PPM1L: variants seen among roughly 807,000 people sequenced by gnomAD.
PPM1L encodes the protein protein phosphatase, Mg2+/Mn2+ dependent 1L.
A neutral mutation model predicts 31.4 loss-of-function variants in PPM1L; 13 were observed. That is an observed-to-expected ratio of 0.41 (90% CI 0.27 to 0.66). The LOEUF (loss-of-function observed/expected upper bound fraction) is 0.66, where lower values mean the gene tolerates loss of function less well. PPM1L is among the 30% of genes least tolerant of loss of function. The pLI, the probability that PPM1L is intolerant of heterozygous loss-of-function variation, is 0.29. For synonymous variants in PPM1L, 184 were observed against 175.4 expected, an observed-to-expected ratio of 1.05 and a Z score of -0.39; for missense variants, 326 against 453.7, an observed-to-expected ratio of 0.72 and a Z score of 2.56.
At chr3:160,853,077 C>T (rs1037170018) in intron 1 of PPM1L, among the ~76,000 whole-genome samples, 28 of 152,148 alleles carry the variant, frequency 1.8e-4, no homozygotes, top group Admixed American at 1.8e-3. Flanking sequence ...CATTCCTTGG[C>T]TTGTGGTTGC....
rs567265092 is a variant in PPM1L, at chr3:160,765,779, G to A, written c.399+9072G>A. On this transcript the variant is annotated intron_variant, in intron 1 of 3. Coordinates refer to ENST00000498165, the MANE Select transcript of PPM1L (RefSeq NM_139245.4). ...CTTTAGGATAAATATGTAGGAGTGT[G>A]GATGTGTTTGCATAACTTTTCTTTA... Among the ~76,000 whole-genome samples, 7 of 152,232 alleles carry A rather than the reference G, an allele frequency of 4.6e-5. No homozygotes were observed. The South Asian group carries it at 1.5e-3, about 32-fold the overall frequency.
At chr3:160,937,113 A>G (rs1714997874) in intron 1 of PPM1L, among the ~76,000 whole-genome samples, 1 of 152,192 alleles carries the variant, frequency 6.6e-6, no homozygotes, top group Non-Finnish European at 1.5e-5. Context: ...CTCTAGTAGA[A>G]GCTGGTATGC....
rs1278462230 is a variant in PPM1L at position 161,071,427 on chromosome 3, C to CG, written c.*2271dup. The CG allele has an allele frequency of 6.6e-6, 1 of 152,216 alleles. No homozygotes were observed. The highest frequency in any genetic ancestry group is 2.4e-5 in the African/African-American group (1 of 41,466). 9.4% of individuals were successfully genotyped at this position (152,216 alleles called of 1,614,324 possible). A position where few individuals can be genotyped will look rare whatever the true frequency, so the allele number is the denominator to read the frequency against. The stretch of plus-strand genomic sequence containing the variant: ...TACTAAATTAGTAAATCAGTGGTTA[C>CG]GTGCCCTGCAGAATTTCTTAACAGA... On this transcript the variant is annotated 3_prime_UTR_variant, in exon 4 of 4. Transcript: ENST00000498165.
intron 1 of PPM1L, among the ~76,000 whole-genome samples, chr3:160,812,352 G>A (rs965105440): frequency 3.3e-5 from 5 of 152,246 alleles, no homozygotes; most frequent in Non-Finnish European, 7.4e-5. Flanking sequence ...CTTTAGACAA[G>A]GGATTTAAAC....
intron 2 of PPM1L, among the ~76,000 whole-genome samples, chr3:161,021,239 C>G (rs1040525623): frequency 6.6e-6 from 1 of 151,914 alleles, no homozygotes; most frequent in East Asian, 1.9e-4. Context: ...CATTTCCACT[C>G]ATCTCAAAAT....
At chr3:161,011,965 A>G (rs960649803) in intron 2 of PPM1L, among the ~76,000 whole-genome samples, 3 of 152,214 alleles carry the variant, frequency 2.0e-5, no homozygotes, top group Non-Finnish European at 4.4e-5. Flanking sequence ...ACCTGCAAAC[A>G]TGGACAATTT....
At chr3:160,942,850 A>G (rs1715205899) in intron 1 of PPM1L, among the ~76,000 whole-genome samples, 2 of 152,198 alleles carry the variant, frequency 1.3e-5, no homozygotes, top group Admixed American at 6.5e-5. Flanking sequence ...TTCTTCGAGT[A>G]TATAAATCTA....
At chr3:160,876,599 A>G (rs1421461917) in intron 1 of PPM1L, among the ~76,000 whole-genome samples, 1 of 152,190 alleles carries the variant, frequency 6.6e-6, no homozygotes, top group African/African-American at 2.4e-5. Flanking sequence ...TGCTATTACT[A>G]TGTGAGTGGC....
chr3:161,051,562 A>G (rs1719282220), intron 2 of PPM1L, among the ~76,000 whole-genome samples: 1 of 152,188 alleles, frequency 6.6e-6, no homozygotes, highest in South Asian at 2.1e-4. Context: ...TATAACTAAT[A>G]TCAGGATTTT....
intron 2 of PPM1L, among the ~76,000 whole-genome samples, chr3:161,039,159 T>C (rs1020429648): frequency 6.6e-6 from 1 of 152,210 alleles, no homozygotes; most frequent in Non-Finnish European, 1.5e-5. Flanking sequence ...GCTCCGTCTA[T>C]GGAGTAGCCA....
intron 1 of PPM1L, among the ~76,000 whole-genome samples, chr3:160,877,250 G>A (rs1712545264): frequency 6.6e-6 from 1 of 152,160 alleles, no homozygotes; most frequent in South Asian, 2.1e-4. Flanking sequence ...TTGATTTCCT[G>A]CAGAGAACCA....
chr3:160,910,368 A>G (rs1713930334), intron 1 of PPM1L, among the ~76,000 whole-genome samples: 1 of 132,126 alleles, frequency 7.6e-6, no homozygotes, highest in Admixed American at 8.8e-5. Context: ...TCTGGAGTGC[A>G]CTGGCACAAT....
At chr3:160,985,911 A>T (rs981063844) in intron 2 of PPM1L, among the ~76,000 whole-genome samples, 2 of 151,874 alleles carry the variant, frequency 1.3e-5, no homozygotes, top group African/African-American at 4.8e-5. Context: ...TGATTAATGT[A>T]TGATTTTTTT....
chr3:160,990,972 G>C (rs1422259407), intron 2 of PPM1L, among the ~76,000 whole-genome samples: 2 of 151,882 alleles, frequency 1.3e-5, no homozygotes, highest in African/African-American at 4.8e-5. Flanking sequence ...CAGGATCACT[G>C]CTTTGTAGGG....
chr3:160,786,155 C>CTT (rs796240930), intron 1 of PPM1L, among the ~76,000 whole-genome samples: 1 of 83,236 alleles, frequency 1.2e-5, no homozygotes, highest in South Asian at 4.0e-4. Context: ...CTCTCTCTCT[C>CTT]TCTGTGTGTG....
chr3:160,944,959 TATAAC>T (rs201327126), intron 1 of PPM1L, among the ~76,000 whole-genome samples: 7,690 of 29,876 alleles, frequency 0.26, 2,578 homozygotes, highest in Non-Finnish European at 0.41. Context: ...TATATAACTA[TATAAC>T]ATATATTATA....
At chr3:161,018,158 G>A (rs1180876555) in intron 2 of PPM1L, among the ~76,000 whole-genome samples, 14 of 152,092 alleles carry the variant, frequency 9.2e-5, no homozygotes, top group Admixed American at 4.6e-4. Context: ...CACAGATTAC[G>A]TGCTGGCAAC....
intron 1 of PPM1L, among the ~76,000 whole-genome samples, chr3:160,840,631 G>A (rs1221437879): frequency 6.6e-6 from 1 of 151,906 alleles, no homozygotes; most frequent in Admixed American, 6.6e-5. Flanking sequence ...TGACAACCTG[G>A]GGATGCTGCT....
chr3:161,007,323 A>G (rs1369107268), intron 2 of PPM1L, among the ~76,000 whole-genome samples: 2 of 152,252 alleles, frequency 1.3e-5, no homozygotes, highest in South Asian at 2.1e-4. Context: ...TAACTTGAGT[A>G]AATACCTGAA....
Sources: allele counts gnomAD v4.1 joint callset (sites outside exome capture counted in the v4.1 genomes callset), GRCh38; gene constraint gnomAD v4.1.1; transcripts MANE v1.5; gene names NCBI Gene and HGNC (gene_info 2026-07-23, HGNC 2026-07-21).